ABCA3: variants seen among roughly 807,000 people sequenced by gnomAD.
ABCA3 encodes the protein ATP binding cassette subfamily A member 3, also known as phospholipid-transporting ATPase ABCA3.
A neutral mutation model predicts 172.8 loss-of-function variants in ABCA3; 88 were observed. The ratio of observed to expected loss-of-function variants is 0.51; its 90% CI spans 0.43 to 0.61. The LOEUF is 0.61. ABCA3 is among the 20% of genes least tolerant of loss of function. The pLI, the probability that ABCA3 is intolerant of heterozygous loss-of-function variation, is 0.00. For missense variants in ABCA3, 2,164 were observed against 2,301.0 expected, an observed-to-expected ratio of 0.94 and a Z score of 1.22; for synonymous variants, 1,066 against 983.8, an observed-to-expected ratio of 1.08 and a Z score of -1.56.
chr16:2,308,561 C>G lies in ABCA3; in HGVS notation c.1174G>C (p.Val392Leu), dbSNP rs368611725. Residue 392 changes from valine (V) to leucine (L), a missense_variant, in exon 11 of 33, where the codon GTG (valine) becomes CTG (leucine). Physicochemically the swap from Val to Leu is conservative, Grantham distance 32 (BLOSUM62 1). Coordinates refer to ENST00000301732, the MANE Select transcript of ABCA3 (RefSeq NM_001089.3). ...YFFTYIPYFF[V>L]APRYNWMTLS... ...GTCATCCAGTTGTACCGAGGGGCCA[C>G]GAAGAAGTAGGGGATGTAGGTGAAG... 6.2e-7 allele frequency: 1 copy of G among 1,614,038 alleles called. No individual in the cohort carries two copies. Among genetic ancestry groups the G allele is most frequent in the African/African-American group, 1.3e-5 (1 of 74,912 alleles).
chr16:2,280,949 C>G, intron 28 of ABCA3, 78 bp downstream of exon 28: 1 of 1,562,528 alleles, frequency 6.4e-7, no homozygotes, highest in Non-Finnish European at 8.8e-7. Flanking sequence ...GGGACAGCAT[C>G]CCTCTGTCCC....
intron 3 of ABCA3, among the ~76,000 whole-genome samples, chr16:2,327,833 AC>A (rs1437834350): frequency 4.6e-5 from 7 of 151,768 alleles, no homozygotes; most frequent in African/African-American, 1.7e-4. Context: ...CGATTCCCCT[AC>A]CCCAGCCTCC....
intron 11 of ABCA3, among the ~76,000 whole-genome samples, chr16:2,306,604 T>G (rs2141718113): frequency 6.6e-6 from 1 of 152,242 alleles, no homozygotes; most frequent in African/African-American, 2.4e-5. Flanking sequence ...GCAGCAATGT[T>G]GGGAGGAGGC....
chr16:2,279,027 T>C lies in ABCA3; in HGVS notation c.4463A>G (p.Glu1488Gly). ...CTCCACGCAGGCCCCGATGTGGCGCTCAGGGATGCCCCGGAGCCGAGCGTA... is the reference window on the plus strand; with the variant it reads ...CTCCACGCAGGCCCCGATGTGGCGCCCAGGGATGCCCCGGAGCCGAGCGTA... ...VMYARLRGIPERHIGACVENT... is the reference protein window; with the variant it reads ...VMYARLRGIPGRHIGACVENT... The change falls in exon 29 of 33, where the codon GAG becomes GGG. Residue 1488 changes from glutamate (E) to glycine (G), a missense_variant. Transcript: ENST00000301732. The surrounding 1 kb of genome is among the most constrained non-coding windows in gnomAD (Gnocchi z 4.4). The C allele has an allele frequency of 6.2e-7, 1 of 1,613,472 alleles. No homozygotes were observed. Among genetic ancestry groups the C allele is most frequent in the Non-Finnish European group, 8.5e-7 (1 of 1,180,030 alleles).
chr16:2,280,665 T>A (rs192981306), intron 28 of ABCA3, among the ~76,000 whole-genome samples: 3 of 152,016 alleles, frequency 2.0e-5, no homozygotes, highest in African/African-American at 7.2e-5. Flanking sequence ...CAGCTCAACA[T>A]GGGAAAGCTG....
At position 2,286,105 on chromosome 16, in the gene ABCA3, G is replaced by T. The variant is rs569669670; in HGVS notation, c.3279-459C>A. The stretch of plus-strand genomic sequence containing the variant: ...AGCCAGAAGCTGGGACGCAGCCATC[G>T]CCAGGCCTAGGCCTAGCCTGGAATG... On this transcript the variant is annotated intron_variant, in intron 22 of 32. Coordinates refer to ENST00000301732, the MANE Select transcript of ABCA3 (RefSeq NM_001089.3). The surrounding 1 kb of genome is among the most constrained non-coding windows in gnomAD (Gnocchi z 5.2). Among the ~76,000 whole-genome samples the T allele has an allele frequency of 6.6e-6, 1 of 152,228 alleles. No individual in the cohort carries two copies. The highest frequency in any genetic ancestry group is 1.5e-5 in the Non-Finnish European group (1 of 68,040).
intron 11 of ABCA3, among the ~76,000 whole-genome samples, chr16:2,304,753 G>C (rs1596849325): frequency 6.7e-6 from 1 of 149,828 alleles, no homozygotes; most frequent in East Asian, 2.0e-4. Flanking sequence ...TCGGCTCACT[G>C]CAAGCTCCAC....
intron 18 of ABCA3, among the ~76,000 whole-genome samples, chr16:2,294,192 AT>A (rs754653044): frequency 4.6e-3 from 558 of 122,322 alleles, no homozygotes; most frequent in Middle Eastern, 5.1e-3. Context: ...TAATTTTTGT[AT>A]TTTTTTTTTT....
chr16:2,314,600 A>G (rs1365678655), intron 10 of ABCA3, among the ~76,000 whole-genome samples: 2 of 151,280 alleles, frequency 1.3e-5, no homozygotes, highest in East Asian at 3.9e-4. Context: ...TTTTGAGACC[A>G]AGTTTCACTC....
At chr16:2,309,935 C>G (rs1462145665) in intron 10 of ABCA3, among the ~76,000 whole-genome samples, 1 of 151,882 alleles carries the variant, frequency 6.6e-6, no homozygotes, top group African/African-American at 2.4e-5. Flanking sequence ...AATCTTTGGT[C>G]TTAAGACCCT....
chr16:2,327,096 T>G (rs1332924241), intron 3 of ABCA3, among the ~76,000 whole-genome samples: 9 of 152,180 alleles, frequency 5.9e-5, no homozygotes, highest in Non-Finnish European at 1.5e-5. Flanking sequence ...GCACTGTGAC[T>G]TCTGCAGTAG....
At position 2,286,806 on chromosome 16, in the gene ABCA3, C is replaced by A. The variant is rs34671771; in HGVS notation, c.3166G>T (p.Val1056Phe). Residue 1056 changes from valine (V) to phenylalanine (F), a missense_variant, in exon 22 of 33, where the codon GTC (valine) becomes TTC (phenylalanine). By Grantham distance (50) the Val-to-Phe change is conservative. Around this residue, in one of 3 missense-constraint regions of ABCA3, gnomAD observed 26 missense variants for 49.5 expected, o/e 0.53. Transcript: ENST00000301732. This position sits in a 1 kb window ranked among gnomAD's most constrained non-coding sequence, Gnocchi z 5.2. ...AYHSPATALA[V>F]VDNLLFKLLC... is the part of the protein sequence containing the mutation. ...AGCTTGAACAGAAGGTTGTCCACGA[C>A]GGCCAGGGCAGTGGCTGGAGAGTGG... 2.5e-6 allele frequency: 4 copies of A among 1,614,034 alleles called. No homozygotes were observed. Among genetic ancestry groups the A allele is most frequent in the African/African-American group, 1.3e-5 (1 of 74,916 alleles).
In ABCA3 at chr16:2,281,019, G is replaced by A; in HGVS notation, c.4359+8C>T. 1 of 1,613,858 alleles carries A rather than the reference G, an allele frequency of 6.2e-7. No homozygotes were observed. The highest frequency in any genetic ancestry group is 8.5e-7 in the Non-Finnish European group (1 of 1,180,018). On this transcript the variant is annotated splice_region_variant and intron_variant, in intron 28 of 32. Transcript: ENST00000301732. The surrounding 1 kb of genome is among the most constrained non-coding windows in gnomAD (Gnocchi z 4.7). ...TCACCCCTTCAGAGCCTCCCTGGCT[G>A]CACCCACCTTTCCGACATCAGAGCT...
At chr16:2,301,209 C>A (rs937480480) in intron 12 of ABCA3, among the ~76,000 whole-genome samples, 31 of 144,996 alleles carry the variant, frequency 2.1e-4, no homozygotes, top group African/African-American at 7.7e-4. Context: ...CCAGCCTGGG[C>A]GACAGAGCGA....
At chr16:2,317,820 A>T (rs2093718911) in intron 8 of ABCA3, 56 bp from the exon 9 acceptor site, 1 of 1,545,640 alleles carries the variant, frequency 6.5e-7, no homozygotes, top group Non-Finnish European at 8.9e-7. Flanking sequence ...CCATGATGGC[A>T]TGTGCCAGGC....
In ABCA3 at chr16:2,287,079, G is replaced by A; in HGVS notation, c.3005-112C>T. 1 of 1,241,178 alleles carries A rather than the reference G, an allele frequency of 8.1e-7. No homozygotes were observed. Among genetic ancestry groups the A allele is most frequent in the South Asian group, 1.3e-5 (1 of 75,520 alleles). 76.9% of individuals were successfully genotyped at this position (1,241,178 alleles called of 1,614,324 possible). On this transcript the variant is annotated intron_variant, in intron 21 of 32. Coordinates refer to ENST00000301732, the MANE Select transcript of ABCA3 (RefSeq NM_001089.3). The surrounding 1 kb of genome is among the most constrained non-coding windows in gnomAD (Gnocchi z 4.1). ...CAATAGAGTGGTGCCAGCATCCTCT[G>A]AGCTGCCCGCCCCATCACCCTTCTC...
At position 2,288,119 on chromosome 16, in the gene ABCA3, A is replaced by C; in HGVS notation, c.2911T>G (p.Ser971Ala). 3 of 1,613,532 alleles carry C rather than the reference A, an allele frequency of 1.9e-6. No individual in the cohort carries two copies. The highest frequency in any genetic ancestry group is 1.7e-6 in the Non-Finnish European group (2 of 1,179,858). ...CCCAGCTGGGAGGTCCCGGGAACTG[A>C]GAAGGGCACGACGGTTCTGCCGTAC... The part of the protein sequence containing the change: ...GEYGRTVVPF[S>A]VPGTSQLGQQ... The change falls in exon 21 of 33, where the codon TCA (serine) becomes GCA (alanine). Residue 971 changes from serine (S) to alanine (A), a missense_variant. Physicochemically the swap from Ser to Ala is moderately conservative, Grantham distance 99 (BLOSUM62 1). Around this residue, in one of 3 missense-constraint regions of ABCA3, gnomAD observed 1,343 missense variants for 1,369.6 expected, o/e 0.98. Transcript: ENST00000301732.
intron 10 of ABCA3, among the ~76,000 whole-genome samples, chr16:2,311,194 G>A (rs189926054): frequency 3.0e-4 from 46 of 151,770 alleles, no homozygotes; most frequent in Middle Eastern, 6.8e-3. Flanking sequence ...GGGTGGTCTC[G>A]ATCTCTTGAC....
chr16:2,340,434 G>C (rs2093759057), intron 1 of ABCA3, 139 bp downstream of exon 1: 1 of 151,126 alleles, frequency 6.6e-6, no homozygotes, highest in Non-Finnish European at 1.5e-5. Flanking sequence ...CGGGGTCGCG[G>C]GAGGGGCCCG....
Sources: allele counts gnomAD v4.1 joint callset (sites outside exome capture counted in the v4.1 genomes callset), GRCh38; gene constraint gnomAD v4.1.1; regional missense constraint gnomAD v4.1.1; non-coding constraint Gnocchi (gnomAD v3.1); transcripts MANE v1.5; gene names NCBI Gene and HGNC (gene_info 2026-07-23, HGNC 2026-07-21).